LUC7L: variants seen among roughly 807,000 people sequenced by gnomAD.
The protein encoded by LUC7L is LUC7 like, also known as putative RNA-binding protein Luc7-like 1.
Under a neutral mutation model 51.1 loss-of-function variants are expected in LUC7L, and 29 were observed. That is an observed-to-expected ratio of 0.57 (90% CI 0.42 to 0.77). The LOEUF (loss-of-function observed/expected upper bound fraction) is 0.77. Among genes scored for constraint, LUC7L ranks in the 30% least tolerant of loss-of-function variants. LUC7L has a pLI of 0.00. For missense variants in LUC7L, 403 were observed against 511.9 expected (o/e 0.79, Z 2.05); for synonymous variants, 181 against 180.7 (o/e 1.00, Z -0.01).
chr16:212,574 T>C (rs2049674319), intron 3 of LUC7L, among the ~76,000 whole-genome samples: 1 of 152,244 alleles, frequency 6.6e-6, no homozygotes, highest in East Asian at 1.9e-4. Context: ...ACTGGACAAC[T>C]GTAAGACAGG....
intron 3 of LUC7L, among the ~76,000 whole-genome samples, chr16:215,242 CT>C (rs1312145153): frequency 2.6e-5 from 4 of 152,164 alleles, no homozygotes; most frequent in African/African-American, 4.8e-5. Flanking sequence ...AATCCCAGCA[CT>C]TTGGGAGAGT....
intron 9 of LUC7L, chr16:189,738 AG>A: frequency 7.2e-7 from 1 of 1,388,134 alleles, no homozygotes; most frequent in Non-Finnish European, 9.3e-7. Flanking sequence ...CACAGGCCCC[AG>A]GACGCAGGCA....
At chr16:189,594 C>G (rs1267286383) in intron 9 of LUC7L, 7 of 1,356,878 alleles carry the variant, frequency 5.2e-6, no homozygotes, top group Non-Finnish European at 3.8e-6. Context: ...GAATACAACA[C>G]TATATGCACA....
intron 5 of LUC7L, among the ~76,000 whole-genome samples, chr16:200,788 G>A (rs567125112): frequency 1.1e-4 from 16 of 151,594 alleles, no homozygotes; most frequent in African/African-American, 3.2e-4. Flanking sequence ...AGACTGATTC[G>A]AGAGGACTGC....
At chr16:218,411 A>AT (rs2049869507) in intron 3 of LUC7L, among the ~76,000 whole-genome samples, 1 of 152,136 alleles carries the variant, frequency 6.6e-6, no homozygotes, top group African/African-American at 2.4e-5. Flanking sequence ...AACAATTAAA[A>AT]TTGAGTGAGT....
At chr16:203,087 G>T (rs548273428) in intron 5 of LUC7L, among the ~76,000 whole-genome samples, 1 of 152,188 alleles carries the variant, frequency 6.6e-6, no homozygotes, top group East Asian at 1.9e-4. Context: ...GGAGTTGGAG[G>T]TTGCAGCGAG....
At chr16:204,967 G>T (rs1009537266) in intron 5 of LUC7L, among the ~76,000 whole-genome samples, 1 of 152,152 alleles carries the variant, frequency 6.6e-6, no homozygotes, top group Non-Finnish European at 1.5e-5. Context: ...CTCCTTCGGA[G>T]ATGATGAGTG....
intron 5 of LUC7L, among the ~76,000 whole-genome samples, chr16:205,781 G>T (rs566850708): frequency 6.6e-6 from 1 of 152,096 alleles, no homozygotes; most frequent in Non-Finnish European, 1.5e-5. Context: ...TAGTAGAGAC[G>T]GGGATTCGCT....
chr16:226,091 G>A (rs1017214927), intron 2 of LUC7L, among the ~76,000 whole-genome samples: 1 of 152,122 alleles, frequency 6.6e-6, no homozygotes, highest in Non-Finnish European at 1.5e-5. Flanking sequence ...AAACAGTAAC[G>A]TTTTCCCATC....
At chr16:201,221 C>A (rs2049315807) in intron 5 of LUC7L, among the ~76,000 whole-genome samples, 3 of 110,336 alleles carry the variant, frequency 2.7e-5, no homozygotes, top group Admixed American at 1.1e-4. Flanking sequence ...CTTGAATTTC[C>A]ATTATAGTAT....
chr16:201,664 C>T (rs1374275065), intron 5 of LUC7L, among the ~76,000 whole-genome samples: 1 of 150,872 alleles, frequency 6.6e-6, no homozygotes. Context: ...TGGTCTCGAT[C>T]TCCTGACCTC....
At chr16:189,366 T>C (rs747109130) in intron 9 of LUC7L, 27 bp from the exon 10 acceptor site, 2 of 1,590,978 alleles carry the variant, frequency 1.3e-6, no homozygotes, top group East Asian at 2.2e-5. Context: ...AGAGGCTCAG[T>C]GGAGGCTGCT....
chr16:205,607 T>C (rs1226149017), intron 5 of LUC7L, among the ~76,000 whole-genome samples: 2 of 152,152 alleles, frequency 1.3e-5, no homozygotes, highest in Non-Finnish European at 2.9e-5. Context: ...TAAATTTTTT[T>C]GAGACAGAGT....
At chr16:216,745 A>G (rs1162973362) in intron 3 of LUC7L, among the ~76,000 whole-genome samples, 1 of 152,142 alleles carries the variant, frequency 6.6e-6, no homozygotes, top group Non-Finnish European at 1.5e-5. Flanking sequence ...AGATGCGGGT[A>G]GTTTTCAGGG....
intron 3 of LUC7L, among the ~76,000 whole-genome samples, chr16:219,557 C>A (rs1431429324): frequency 6.6e-6 from 1 of 151,962 alleles, no homozygotes; most frequent in Non-Finnish European, 1.5e-5. Context: ...CCAGCCTGGG[C>A]AACAGAGTGA....
chr16:223,592 T>C (rs1221406487), intron 2 of LUC7L, among the ~76,000 whole-genome samples: 2 of 152,232 alleles, frequency 1.3e-5, no homozygotes, highest in Middle Eastern at 3.4e-3. Context: ...GATAGGACAA[T>C]AGTGGTTCTA....
At chr16:217,585 TA>T (rs2142100553) in intron 3 of LUC7L, among the ~76,000 whole-genome samples, 1 of 151,592 alleles carries the variant, frequency 6.6e-6, no homozygotes, top group East Asian at 2.0e-4. Context: ...TGTGCACCTG[TA>T]ATCCCAGCTA....
In LUC7L at chr16:220,666, G is replaced by C. The variant is rs1362120963; in HGVS notation, c.238C>G (p.Leu80Val). The change falls in exon 3 of 10, where the codon CTG becomes GTG. Residue 80 changes from leucine to valine, a missense_variant. By Grantham distance (32) the Leu-to-Val change is conservative. This residue lies in a region of LUC7L where 182 missense variants were observed against 248.4 expected (regional missense o/e 0.73). Coordinates refer to ENST00000293872, the MANE Select transcript of LUC7L (RefSeq NM_201412.3). ...DYEIASKERD[L>V]FFELDAMDHL... is the part of the protein sequence containing the mutation. Reference sequence around the variant, plus strand: ...AAACTTACATCTAATTCAAAAAACAGGTCTCTTTCTTTACTTGCAATCTCA... The same window carrying C: ...AAACTTACATCTAATTCAAAAAACACGTCTCTTTCTTTACTTGCAATCTCA... 1.2e-6 allele frequency: 2 copies of C among 1,612,596 alleles called. No individual in the cohort carries two copies. Among genetic ancestry groups the C allele is most frequent in the Non-Finnish European group, 1.7e-6 (2 of 1,178,996 alleles).
intron 3 of LUC7L, chr16:208,709 T>C (rs1274935990): frequency 2.4e-6 from 2 of 831,584 alleles, no homozygotes; most frequent in African/African-American, 3.7e-5. Context: ...GAGCTATGAA[T>C]ACATTTTGTT....
Sources: gnomAD v4.1 joint callset for allele counts (sites outside exome capture counted in the v4.1 genomes callset) on GRCh38, gnomAD v4.1.1 for gene constraint, gnomAD v4.1.1 regional missense constraint, MANE v1.5 for transcripts, NCBI Gene and HGNC (gene_info 2026-07-23, HGNC 2026-07-21) for gene names.